Variants in SNX29 observed in about 807,000 individuals in gnomAD.
The protein encoded by SNX29 is sorting nexin 29.
A neutral mutation model predicts 102.1 loss-of-function variants in SNX29; 78 were observed. The ratio of observed to expected loss-of-function variants is 0.76; its 90% CI spans 0.64 to 0.92. The LOEUF is 0.92. Ranked by LOEUF, SNX29 falls within the 40% of genes least tolerant of loss-of-function variation. The pLI is 0.00. For synonymous variants in SNX29, 580 were observed against 414.5 expected, an observed-to-expected ratio of 1.40 and a Z score of -4.85; for missense variants, 1,280 against 1,061.7, an observed-to-expected ratio of 1.21 and a Z score of -2.86.
At chr16:12,528,110 C>A (rs149682106) in intron 20 of SNX29, among the ~76,000 whole-genome samples, 1 of 152,102 alleles carries the variant, frequency 6.6e-6, no homozygotes, top group Non-Finnish European at 1.5e-5. Flanking sequence ...CAGGTGTGAG[C>A]CACCGCACCT....
chr16:12,254,911 C>T (rs1013759822), intron 14 of SNX29, among the ~76,000 whole-genome samples: 1 of 152,044 alleles, frequency 6.6e-6, no homozygotes, highest in African/African-American at 2.4e-5. Flanking sequence ...CTGGAGAGGG[C>T]GAGTGGAGAC....
chr16:12,529,140 TGCTAATGCCA>T (rs2076865146), intron 20 of SNX29, among the ~76,000 whole-genome samples: 1 of 152,202 alleles, frequency 6.6e-6, no homozygotes, highest in African/African-American at 2.4e-5. Flanking sequence ...TTGCCTCCCT[TGCTAATGCCA>T]GCTCTGAATT....
chr16:12,325,317 C>G lies in SNX29; in HGVS notation c.1783-30846C>G, dbSNP rs576689571. ...ACAGATTTTAATTTGACAAGGAAAC[C>G]GCCTAAGAGGAAGGATTGAAAAGCC... On this transcript the variant is annotated intron_variant, in intron 15 of 20. Transcript: ENST00000566228. 2.0e-5 allele frequency among the ~76,000 whole-genome samples: 3 copies of G among 152,106 alleles called. No individual in the cohort carries two copies. In the South Asian group the frequency reaches 6.2e-4, roughly 31 times the overall value.
At chr16:12,142,864 A>G (rs1007934899) in intron 13 of SNX29, among the ~76,000 whole-genome samples, 4 of 151,160 alleles carry the variant, frequency 2.6e-5, no homozygotes, top group Non-Finnish European at 5.9e-5. Flanking sequence ...TCTGGCCGAT[A>G]TTGTTTATTT....
At chr16:12,484,187 C>T (rs1314769185) in intron 19 of SNX29, among the ~76,000 whole-genome samples, 1 of 152,118 alleles carries the variant, frequency 6.6e-6, no homozygotes, top group Non-Finnish European at 1.5e-5. Context: ...CTCTCTCTGT[C>T]ACCCAGGCTG....
chr16:12,570,434 AGAG>A lies in SNX29; in HGVS notation c.*1806_*1808del, dbSNP rs2079163031. On this transcript the variant is annotated 3_prime_UTR_variant, in exon 21 of 21. Transcript: ENST00000566228. ...TCACATGACTGGCAACTCTAAATAGAGAGCCCTAATGGACTGAGGCAGGAAACG... is the reference window on the plus strand; with the variant it reads ...TCACATGACTGGCAACTCTAAATAGACCCTAATGGACTGAGGCAGGAAACG... The A allele has an allele frequency of 8.1e-6, 2 of 246,796 alleles. No homozygotes were observed. Among genetic ancestry groups the A allele is most frequent in the Non-Finnish European group, 1.5e-5 (2 of 130,670 alleles). The allele number at this position is 246,796 out of a possible 1,614,324, so 15.3% of individuals were successfully genotyped here. A position where few individuals can be genotyped will look rare whatever the true frequency, so the allele number is the denominator to read the frequency against.
chr16:12,542,912 T>C (rs2077407844), intron 20 of SNX29, among the ~76,000 whole-genome samples: 1 of 152,148 alleles, frequency 6.6e-6, no homozygotes, highest in African/African-American at 2.4e-5. Context: ...TAGGGAATCT[T>C]TGCTTAGCAA....
chr16:12,538,753 A>G (rs931509952), intron 20 of SNX29, among the ~76,000 whole-genome samples: 1 of 152,034 alleles, frequency 6.6e-6, no homozygotes, highest in African/African-American at 2.4e-5. Context: ...CCATATGGGT[A>G]TCATCCAAGC....
At chr16:12,132,936 T>C (rs1353057048) in intron 13 of SNX29, among the ~76,000 whole-genome samples, 1 of 152,236 alleles carries the variant, frequency 6.6e-6, no homozygotes, top group Non-Finnish European at 1.5e-5. Context: ...GTCAGAACTT[T>C]CTTCTTGCTT....
At chr16:12,221,789 C>G (rs1446813793) in intron 14 of SNX29, among the ~76,000 whole-genome samples, 1 of 152,196 alleles carries the variant, frequency 6.6e-6, no homozygotes, top group Admixed American at 6.5e-5. Context: ...TTGGTCCTGT[C>G]TGCCTGCTCT....
chr16:12,261,258 GGGTGAAGTGAGTGTTT>G (rs1427799080), intron 14 of SNX29, among the ~76,000 whole-genome samples: 14 of 139,224 alleles, frequency 1.0e-4, no homozygotes, highest in African/African-American at 1.1e-4. Flanking sequence ...GCGCACCCCC[GGGTGAAGTGAGTGTTT>G]GCTGAGCTCG....
chr16:12,373,296 C>A (rs1597125975), intron 16 of SNX29, among the ~76,000 whole-genome samples: 1 of 152,240 alleles, frequency 6.6e-6, no homozygotes, highest in East Asian at 1.9e-4. Context: ...CCACACTTGG[C>A]TAACTCAAAT....
At chr16:12,541,677 G>A (rs760883583) in intron 20 of SNX29, among the ~76,000 whole-genome samples, 30 of 152,232 alleles carry the variant, frequency 2.0e-4, no homozygotes, top group Non-Finnish European at 3.7e-4. Flanking sequence ...GCTGACACCC[G>A]TTTACCACTA....
intron 3 of SNX29, 99 bp downstream of exon 3, chr16:12,003,142 G>C: frequency 2.1e-6 from 3 of 1,447,170 alleles, no homozygotes; most frequent in Non-Finnish European, 1.9e-6. Context: ...TTGGAAAGGC[G>C]GCAGAAGGCG....
At chr16:12,400,484 G>A (rs1333957207) in intron 17 of SNX29, among the ~76,000 whole-genome samples, 1 of 152,164 alleles carries the variant, frequency 6.6e-6, no homozygotes, top group East Asian at 1.9e-4. Flanking sequence ...TCTAGACTCA[G>A]TGCTCTCCAC....
intron 18 of SNX29, among the ~76,000 whole-genome samples, chr16:12,476,587 G>C (rs1267971507): frequency 6.6e-6 from 1 of 150,446 alleles, no homozygotes; most frequent in Non-Finnish European, 1.5e-5. Flanking sequence ...AGCAATAATG[G>C]AATGACATTA....
chr16:12,111,777 C>G (rs2053511694), intron 11 of SNX29, among the ~76,000 whole-genome samples: 1 of 152,158 alleles, frequency 6.6e-6, no homozygotes, highest in Non-Finnish European at 1.5e-5. Context: ...AGCGAGAGAT[C>G]TTCAGGAGGC....
intron 14 of SNX29, among the ~76,000 whole-genome samples, chr16:12,264,679 G>A (rs1326859775): frequency 6.6e-6 from 1 of 152,066 alleles, no homozygotes; most frequent in Non-Finnish European, 1.5e-5. Flanking sequence ...CTACTTGGGA[G>A]GCTGAGGGAG....
chr16:12,567,770 C>G (rs746046905), intron 20 of SNX29, among the ~76,000 whole-genome samples: 1 of 152,246 alleles, frequency 6.6e-6, no homozygotes, highest in South Asian at 2.1e-4. Context: ...CCAGAAAATA[C>G]AATTTTGAAA....
Sources: allele counts gnomAD v4.1 joint callset (sites outside exome capture counted in the v4.1 genomes callset), GRCh38; gene constraint gnomAD v4.1.1; transcripts MANE v1.5; gene names NCBI Gene and HGNC (gene_info 2026-07-23, HGNC 2026-07-21).